Variants in FKBP5 observed in about 807,000 individuals in gnomAD.
FKBP5 encodes peptidyl-prolyl cis-trans isomerase FKBP5.
In FKBP5, 23 loss-of-function variants were observed where a neutral mutation model predicts 50.5. The ratio of observed to expected loss-of-function variants is 0.46; its 90% CI spans 0.33 to 0.65. The LOEUF (loss-of-function observed/expected upper bound fraction) is 0.65. Among genes scored for constraint, FKBP5 ranks in the 30% least tolerant of loss-of-function variants. The pLI is 0.02. For synonymous variants in FKBP5, 176 were observed against 190.6 expected (o/e 0.92, Z 0.63); for missense variants, 411 against 553.1 (o/e 0.74, Z 2.58).
chr6:35,726,603 T>C (rs1273530401), intron 1 of FKBP5, among the ~76,000 whole-genome samples: 1 of 150,276 alleles, frequency 6.7e-6, no homozygotes, highest in African/African-American at 2.5e-5. Flanking sequence ...TAGAACCTCC[T>C]GGGATCTTTC....
chr6:35,576,998 G>C lies in FKBP5; in HGVS notation c.1262C>G (p.Ala421Gly). Residue 421 changes from alanine (A) to glycine (G), a missense_variant, in exon 10 of 11, where the codon GCC (alanine) becomes GGC (glycine). Physicochemically the swap from Ala to Gly is moderately conservative, Grantham distance 60. Coordinates refer to ENST00000357266, the MANE Select transcript of FKBP5 (RefSeq NM_004117.4). Reference protein sequence around the residue: ...NMFKKFAEQDAKEEANKAMGK... With the variant: ...NMFKKFAEQDGKEEANKAMGK... ...GTCATCAGGCTCTGCACACACCTTG[G>C]CATCCTGCTCTGCAAACTTCTTGAA... 6.2e-7 allele frequency: 1 copy of C among 1,613,758 alleles called. No homozygotes were observed. Among genetic ancestry groups the C allele is most frequent in the Non-Finnish European group, 8.5e-7 (1 of 1,179,988 alleles).
chr6:35,635,767 T>C (rs1287777004), intron 3 of FKBP5, among the ~76,000 whole-genome samples: 4 of 152,218 alleles, frequency 2.6e-5, no homozygotes, highest in African/African-American at 9.6e-5. Flanking sequence ...GGAAATGTGT[T>C]TGACTTGTAA....
chr6:35,656,406 T>C (rs1764949709), intron 1 of FKBP5, among the ~76,000 whole-genome samples: 1 of 152,216 alleles, frequency 6.6e-6, no homozygotes. Flanking sequence ...TAAAAAGTAA[T>C]TTATAAATAT....
upstream of FKBP5, among the ~76,000 whole-genome samples, chr6:35,689,102 C>T (rs995781515): frequency 4.6e-5 from 7 of 152,176 alleles, no homozygotes; most frequent in Non-Finnish European, 8.8e-5. Context: ...AGGCCCCGCC[C>T]CCATCATTTG....
chr6:35,585,848 C>T lies in FKBP5; in HGVS notation c.840+1186G>A, dbSNP rs892708392. 2.3e-5 allele frequency: 23 copies of T among 985,378 alleles called. No homozygotes were observed. The African/African-American group carries it at 3.7e-4, about 16-fold the overall frequency. The allele number at this position is 985,378 out of a possible 1,614,324, so 61.0% of individuals were successfully genotyped here. On this transcript the variant is annotated intron_variant, in intron 8 of 10. Transcript: ENST00000357266. ...TGTCTCAGCTCAAATTCTGAAAACA[C>T]ATGGTGCCCTCTGGCTGTGTTAATT...
intron 5 of FKBP5, among the ~76,000 whole-genome samples, chr6:35,618,438 G>A (rs1187537372): frequency 2.0e-5 from 3 of 151,904 alleles, no homozygotes; most frequent in Admixed American, 1.3e-4. Flanking sequence ...GCACAATCAC[G>A]GCTCTCTGCT....
At chr6:35,604,935 C>G (rs1489119190) in intron 5 of FKBP5, among the ~76,000 whole-genome samples, 1 of 152,088 alleles carries the variant, frequency 6.6e-6, no homozygotes, top group African/African-American at 2.4e-5. Flanking sequence ...CAGGCGCCCG[C>G]CACCATGCCC....
At chr6:35,703,765 A>G (rs1766233266) in intron 2 of FKBP5, among the ~76,000 whole-genome samples, 1 of 152,176 alleles carries the variant, frequency 6.6e-6, no homozygotes, top group African/African-American at 2.4e-5. Context: ...CACACACCCA[A>G]GAAAGACTTC....
chr6:35,632,264 C>G (rs1413924596), intron 3 of FKBP5, among the ~76,000 whole-genome samples: 3 of 152,168 alleles, frequency 2.0e-5, no homozygotes, highest in African/African-American at 7.2e-5. Flanking sequence ...TAGATTGATT[C>G]TGTCTTTCCC....
intron 8 of FKBP5, chr6:35,580,811 G>A (rs1486986487): frequency 3.1e-5 from 30 of 975,764 alleles, no homozygotes; most frequent in Non-Finnish European, 3.2e-5. Flanking sequence ...AAAGTGCTGG[G>A]ATTACAGGCA....
chr6:35,638,524 C>A (rs907945277), intron 2 of FKBP5, among the ~76,000 whole-genome samples: 1 of 152,090 alleles, frequency 6.6e-6, no homozygotes, highest in Admixed American at 6.6e-5. Flanking sequence ...CTCAAGTGAT[C>A]ATCCCACCTC....
rs764497072 is a variant in FKBP5 at position 35,720,997 on chromosome 6, CA to C, written c.-240-450del. ...TCCCACTGGTAGTACATGAAAAAGG[CA>C]AGGCTTGAAGTCATGATATGGAACA... On this transcript the variant is annotated intron_variant, in intron 1 of 11. Coordinates refer to the FKBP5 transcript ENST00000536438. 4.6e-5 allele frequency among the ~76,000 whole-genome samples: 7 copies of C among 152,210 alleles called. No homozygotes were observed. In the South Asian group the frequency reaches 1.4e-3, roughly 32 times the overall value.
chr6:35,664,198 T>A (rs955197742), intron 1 of FKBP5, among the ~76,000 whole-genome samples: 7 of 152,244 alleles, frequency 4.6e-5, no homozygotes, highest in Non-Finnish European at 8.8e-5. Context: ...ACAATTTGTA[T>A]TAGCCAAGTT....
At chr6:35,617,968 A>G (rs1763711383) in intron 5 of FKBP5, among the ~76,000 whole-genome samples, 2 of 152,220 alleles carry the variant, frequency 1.3e-5, no homozygotes, top group South Asian at 4.1e-4. Flanking sequence ...GTCTCCTGAT[A>G]TGGAATAGAA....
At chr6:35,630,600 A>G (rs539719591) in intron 3 of FKBP5, among the ~76,000 whole-genome samples, 18 of 152,324 alleles carry the variant, frequency 1.2e-4, no homozygotes, top group Non-Finnish European at 2.4e-4. Context: ...ACTGCTAACC[A>G]GGACCTACTT....
intron 1 of FKBP5, among the ~76,000 whole-genome samples, chr6:35,680,525 A>C (rs1765637349): frequency 6.6e-6 from 1 of 152,234 alleles, no homozygotes; most frequent in South Asian, 2.1e-4. Context: ...AAGTAGTAGA[A>C]TTGGAAAGTT....
chr6:35,580,379 T>C (rs1005094789), intron 8 of FKBP5, among the ~76,000 whole-genome samples, 158 bp from the exon 9 acceptor site: 2 of 152,130 alleles, frequency 1.3e-5, no homozygotes, highest in Non-Finnish European at 2.9e-5. Flanking sequence ...TCCCACTCCC[T>C]TGGAGGCCTC....
intron 6 of FKBP5, among the ~76,000 whole-genome samples, chr6:35,594,975 A>G (rs564204283): frequency 1.3e-5 from 2 of 152,336 alleles, no homozygotes; most frequent in South Asian, 4.1e-4. Flanking sequence ...GTAAAATGGA[A>G]GAGAAGGTGA....
chr6:35,648,395 A>G (rs1013293500), intron 1 of FKBP5, among the ~76,000 whole-genome samples: 20 of 151,842 alleles, frequency 1.3e-4, no homozygotes, highest in African/African-American at 4.6e-4. Context: ...CAGCCACCCT[A>G]GTAGTTCAAA....
Sources: allele counts gnomAD v4.1 joint callset (sites outside exome capture counted in the v4.1 genomes callset), GRCh38; gene constraint gnomAD v4.1.1; transcripts MANE v1.5; gene names NCBI Gene and HGNC (gene_info 2026-07-23, HGNC 2026-07-21).